The following RASA3 variants were observed in gnomAD, a reference collection of about 807,000 sequenced individuals.
The protein encoded by RASA3 is ras GTPase-activating protein 3.
A neutral mutation model predicts 110.0 loss-of-function variants in RASA3; 73 were observed. The ratio of observed to expected loss-of-function variants is 0.66; its 90% CI spans 0.55 to 0.81. The LOEUF is 0.81. Ranked by LOEUF, RASA3 falls within the 30% of genes least tolerant of loss-of-function variation. The probability of loss-of-function intolerance (pLI) is 0.00; values close to 1 mark genes in which losing one functional copy is unlikely to be tolerated. For missense variants in RASA3, 976 were observed against 1,113.2 expected, an observed-to-expected ratio of 0.88 and a Z score of 1.75; for synonymous variants, 500 against 451.4, an observed-to-expected ratio of 1.11 and a Z score of -1.37.
At chr13:113,981,496 C>T (rs1477929171) in intron 23 of RASA3, among the ~76,000 whole-genome samples, 179 bp downstream of exon 23, 1 of 152,174 alleles carries the variant, frequency 6.6e-6, no homozygotes. Context: ...GGACCAGCAG[C>T]GCCGGGCCAC....
At chr13:114,079,171 C>T (rs1027284006) in intron 1 of RASA3, among the ~76,000 whole-genome samples, 4 of 152,228 alleles carry the variant, frequency 2.6e-5, no homozygotes, top group African/African-American at 7.2e-5. Flanking sequence ...AGACAGAAGA[C>T]GTCCTGGAGA....
intron 3 of RASA3, among the ~76,000 whole-genome samples, chr13:114,050,022 G>A (rs559356522): frequency 6.6e-6 from 1 of 152,346 alleles, no homozygotes; most frequent in South Asian, 2.1e-4. Flanking sequence ...CAGGAGTGGG[G>A]TGCACAGCGG....
intron 1 of RASA3, among the ~76,000 whole-genome samples, chr13:114,129,289 A>C (rs1033907075): frequency 1.3e-5 from 2 of 152,270 alleles, no homozygotes; most frequent in African/African-American, 4.8e-5. Context: ...TTAAGTGCAC[A>C]GAAGGACATA....
Position 114,114,849 on chromosome 13 carries a change from A to T in RASA3, c.55+17586T>A, listed in dbSNP as rs2080257633. ...GTCGTGACCAACAGTGGAAAGACCC[A>T]TAGCTCCCAGCTCCAGGGACGACGC... On this transcript the variant is annotated intron_variant, in intron 1 of 23. Transcript: ENST00000334062. The surrounding 1 kb of genome is among the most constrained non-coding windows in gnomAD (Gnocchi z 4.8). 1.3e-5 allele frequency among the ~76,000 whole-genome samples: 2 copies of T among 152,186 alleles called. No individual in the cohort carries two copies. Among genetic ancestry groups the T allele is most frequent in the Non-Finnish European group, 2.9e-5 (2 of 68,010 alleles).
chr13:114,115,572 C>T lies in RASA3; in HGVS notation c.55+16863G>A, dbSNP rs1357203341. Among the ~76,000 whole-genome samples the T allele has an allele frequency of 6.6e-6, 1 of 152,238 alleles. No homozygotes were observed. Among genetic ancestry groups the T allele is most frequent in the Non-Finnish European group, 1.5e-5 (1 of 68,048 alleles). ...CGGAGGCAGAGTGCAGGCCTCGAAG[C>T]AGCTGGTCATGTCCACGCCCTCTGC... is the stretch of plus-strand genomic sequence containing the variant. On this transcript the variant is annotated intron_variant, in intron 1 of 23. Transcript: ENST00000334062. This position sits in a 1 kb window ranked among gnomAD's most constrained non-coding sequence, Gnocchi z 5.0.
chr13:113,991,399 G>A (rs1471249764), intron 22 of RASA3, among the ~76,000 whole-genome samples: 1 of 152,234 alleles, frequency 6.6e-6, no homozygotes, highest in Non-Finnish European at 1.5e-5. Flanking sequence ...AAATCTAACA[G>A]GCATAACTCC....
At chr13:114,097,291 G>A (rs574952058) in intron 1 of RASA3, among the ~76,000 whole-genome samples, 10 of 152,348 alleles carry the variant, frequency 6.6e-5, no homozygotes, top group African/African-American at 2.2e-4. Flanking sequence ...AAGGTCAGAC[G>A]GCAGGTGCCA....
intron 1 of RASA3, among the ~76,000 whole-genome samples, chr13:114,113,166 A>G (rs1594469864): frequency 6.6e-6 from 1 of 152,304 alleles, no homozygotes; most frequent in East Asian, 1.9e-4. Context: ...GGCTGTTTCC[A>G]CGGATGAGGC....
chr13:114,053,184 G>A (rs2079181440), intron 2 of RASA3, among the ~76,000 whole-genome samples: 2 of 152,248 alleles, frequency 1.3e-5, no homozygotes. Flanking sequence ...CTAGCTCCTG[G>A]GGGAGAGGAC....
chr13:114,015,445 G>T, intron 13 of RASA3, 113 bp from the exon 14 acceptor site: 2 of 1,332,018 alleles, frequency 1.5e-6, no homozygotes, highest in Non-Finnish European at 2.1e-6. Flanking sequence ...CGGGCGCAGG[G>T]CAGCTGCGGC....
chr13:114,091,701 G>A (rs2079891179), intron 1 of RASA3, among the ~76,000 whole-genome samples: 1 of 151,790 alleles, frequency 6.6e-6, no homozygotes, highest in Admixed American at 6.6e-5. Flanking sequence ...TCTGGTTTGG[G>A]TATCAGGTAA....
chr13:114,098,216 C>T (rs776604084), intron 1 of RASA3, among the ~76,000 whole-genome samples: 11 of 152,094 alleles, frequency 7.2e-5, no homozygotes, highest in African/African-American at 9.7e-5. Flanking sequence ...TCATCAGCGA[C>T]GAGCCAGGCC....
In RASA3 at chr13:114,096,839, G is replaced by A. The variant is rs977520948; in HGVS notation, c.56-23002C>T. Among the ~76,000 whole-genome samples, 4 of 152,088 alleles carry A rather than the reference G, an allele frequency of 2.6e-5. No homozygotes were observed. Among genetic ancestry groups the A allele is most frequent in the Admixed American group, 6.5e-5 (1 of 15,278 alleles). On this transcript the variant is annotated intron_variant, in intron 1 of 23. Transcript: ENST00000334062. The surrounding 1 kb of genome is among the most constrained non-coding windows in gnomAD (Gnocchi z 5.1). ...GTCCGTCTGTGTCCAGGCCGATCTC[G>A]CTGCTCCCTCGGACGTACTCGCCCT... is the stretch of plus-strand genomic sequence containing the variant.
intron 8 of RASA3, among the ~76,000 whole-genome samples, chr13:114,023,773 T>G (rs2053975896): frequency 6.6e-6 from 1 of 152,200 alleles, no homozygotes; most frequent in Non-Finnish European, 1.5e-5. Flanking sequence ...AAGATGCAGC[T>G]TCTATGACCA....
chr13:114,122,200 C>T (rs1458706156), intron 1 of RASA3, among the ~76,000 whole-genome samples: 4 of 152,240 alleles, frequency 2.6e-5, no homozygotes. Flanking sequence ...TCAGCCCCAC[C>T]CCCGGCCAGC....
chr13:114,067,982 T>A (rs1442361055), intron 2 of RASA3, among the ~76,000 whole-genome samples: 2 of 152,184 alleles, frequency 1.3e-5, no homozygotes, highest in African/African-American at 4.8e-5. Flanking sequence ...CGTATCCAGA[T>A]CATTTTGGGG....
At chr13:114,012,460 G>A (rs545624031) in intron 15 of RASA3, among the ~76,000 whole-genome samples, 34 of 93,672 alleles carry the variant, frequency 3.6e-4, no homozygotes, top group African/African-American at 9.9e-4. Context: ...CCCATGCACC[G>A]TCCACACACA....
rs969620018 is a variant in RASA3 at position 114,014,907 on chromosome 13, G to A, written c.1405+302C>T. 7.9e-5 allele frequency among the ~76,000 whole-genome samples: 12 copies of A among 152,118 alleles called. No homozygotes were observed. The highest frequency in any genetic ancestry group is 1.0e-4 in the Non-Finnish European group (7 of 67,946). ...GGCCCCCCCAGAGACCACTGTGGTC[G>A]TGAACTCCAGGGCTGGGCCCCTCTA... On this transcript the variant is annotated intron_variant, in intron 14 of 23. Coordinates refer to ENST00000334062, the MANE Select transcript of RASA3 (RefSeq NM_007368.4). This position sits in a 1 kb window ranked among gnomAD's most constrained non-coding sequence, Gnocchi z 4.5.
At chr13:114,071,140 C>T (rs532263838) in intron 2 of RASA3, among the ~76,000 whole-genome samples, 1 of 152,302 alleles carries the variant, frequency 6.6e-6, no homozygotes, top group East Asian at 1.9e-4. Context: ...TTTTTTGAGA[C>T]AAGGTCTTGC....
Sources: gnomAD v4.1 joint callset for allele counts (sites outside exome capture counted in the v4.1 genomes callset) on GRCh38, gnomAD v4.1.1 for gene constraint, Gnocchi (gnomAD v3.1) non-coding constraint, MANE v1.5 for transcripts, NCBI Gene and HGNC (gene_info 2026-07-23, HGNC 2026-07-21) for gene names.